The following TCF20 variants were observed in gnomAD, a reference collection of about 807,000 sequenced individuals.
The protein encoded by TCF20 is transcription factor 20, also known as SPRE-binding protein.
In TCF20, 3 loss-of-function variants were observed where a neutral mutation model predicts 148.6. That is an observed-to-expected ratio of 0.02 (90% CI 0.01 to 0.05). TCF20 has a LOEUF of 0.05. Among genes scored for constraint, TCF20 ranks in the 10% least tolerant of loss-of-function variants. TCF20 has a pLI of 1.00. For synonymous variants in TCF20, 1,049 were observed against 909.5 expected (o/e 1.15, Z -2.76); for missense variants, 2,350 against 2,429.3 (o/e 0.97, Z 0.69).
chr22:42,190,950 C>T (rs1937302050), intron 2 of TCF20, among the ~76,000 whole-genome samples: 1 of 152,182 alleles, frequency 6.6e-6, no homozygotes, highest in Admixed American at 6.5e-5. Flanking sequence ...TTTTAATGTT[C>T]TGTAACACTG....
At chr22:42,262,624 A>G (rs543597758) in intron 1 of TCF20, among the ~76,000 whole-genome samples, 1 of 152,214 alleles carries the variant, frequency 6.6e-6, no homozygotes, top group East Asian at 1.9e-4. Context: ...TGGGGAGATC[A>G]GAGATCACCG....
intron 1 of TCF20, among the ~76,000 whole-genome samples, chr22:42,326,208 C>A (rs562780028): frequency 1.3e-5 from 2 of 152,244 alleles, no homozygotes; most frequent in African/African-American, 4.8e-5. Context: ...TGGAACCAAG[C>A]GGGACCACCC....
chr22:42,301,447 C>G (rs1306896696), intron 1 of TCF20, among the ~76,000 whole-genome samples: 3 of 152,190 alleles, frequency 2.0e-5, no homozygotes, highest in African/African-American at 7.2e-5. Flanking sequence ...AGGCACGTGG[C>G]CTGGTCCCTC....
intron 1 of TCF20, among the ~76,000 whole-genome samples, chr22:42,268,244 C>T (rs1351623037): frequency 4.6e-5 from 7 of 152,198 alleles, no homozygotes; most frequent in Non-Finnish European, 8.8e-5. Flanking sequence ...ATATTGGGCT[C>T]ATATCCGGCC....
chr22:42,208,982 C>T (rs766366467), intron 2 of TCF20, among the ~76,000 whole-genome samples: 4 of 152,190 alleles, frequency 2.6e-5, no homozygotes, highest in Non-Finnish European at 4.4e-5. Context: ...AAAAACAGAA[C>T]ATGCATCAAG....
At chr22:42,221,629 C>G (rs780451230) in intron 1 of TCF20, among the ~76,000 whole-genome samples, 1 of 151,946 alleles carries the variant, frequency 6.6e-6, no homozygotes, top group Non-Finnish European at 1.5e-5. Flanking sequence ...GTAAGAAATG[C>G]CCAAAGTCCA....
intron 1 of TCF20, among the ~76,000 whole-genome samples, chr22:42,320,357 AC>A (rs1927709581): frequency 6.6e-6 from 1 of 152,116 alleles, no homozygotes; most frequent in Non-Finnish European, 1.5e-5. Flanking sequence ...CTTAGGCACC[AC>A]CAGTGAAATG....
chr22:42,225,620 C>CAAAAAAAAAAAAAAAA (rs57952215), intron 1 of TCF20, among the ~76,000 whole-genome samples: 1 of 74,808 alleles, frequency 1.3e-5, no homozygotes. Flanking sequence ...GACTCCGTCT[C>CAAAAAAAAAAAAAAAA]AAAAAAAAAA....
chr22:42,240,039 GTAA>G (rs1924257177), intron 1 of TCF20, among the ~76,000 whole-genome samples: 2 of 152,120 alleles, frequency 1.3e-5, no homozygotes, highest in African/African-American at 4.8e-5. Flanking sequence ...CTTCTAGGTG[GTAA>G]TAATAATAGC....
chr22:42,288,594 C>T (rs139127520), upstream of TCF20, among the ~76,000 whole-genome samples: 281 of 148,652 alleles, frequency 1.9e-3, 1 homozygote, highest in African/African-American at 6.5e-3. Context: ...GTCCCAGCTA[C>T]TCGTGAGATT....
In TCF20 at chr22:42,209,679, T is replaced by G. The variant is rs1395831478; in HGVS notation, c.5627A>C (p.Gln1876Pro). 2 of 1,612,940 alleles carry G rather than the reference T, an allele frequency of 1.2e-6. No homozygotes were observed. The highest frequency in any genetic ancestry group is 1.1e-5 in the South Asian group (1 of 90,858). ...YLVCGRLYGL[Q>P]EALEIAREMK... ...CTCTCTGGCTATTTCCAGCGCTTCC[T>G]GCAGGCCATAGAGCCTGCCACAAAC... The change falls in exon 2 of 6, where the codon CAG becomes CCG. Residue 1876 changes from glutamine (Q) to proline (P), a missense_variant. Physicochemically the swap from Gln to Pro is moderately conservative, Grantham distance 76 (BLOSUM62 -1). This residue lies in a region of TCF20 where 30 missense variants were observed against 59.5 expected (regional missense o/e 0.50). Transcript: ENST00000677622.
intron 1 of TCF20, among the ~76,000 whole-genome samples, chr22:42,235,157 A>C (rs911075437): frequency 6.6e-6 from 1 of 151,710 alleles, no homozygotes; most frequent in African/African-American, 2.4e-5. Context: ...AAAAAAAAAA[A>C]AGAACTTTGT....
intron 1 of TCF20, among the ~76,000 whole-genome samples, chr22:42,216,989 T>G (rs916979065): frequency 6.6e-6 from 1 of 152,216 alleles, no homozygotes; most frequent in Non-Finnish European, 1.5e-5. Context: ...TGAGGTGTAA[T>G]AGACAGTTTA....
Position 42,290,537 on chromosome 22 carries a change from GC to G in TCF20, c.-37+52941del, listed in dbSNP as rs1438643867. Among the ~76,000 whole-genome samples the G allele has an allele frequency of 6.6e-6, 1 of 152,216 alleles. No individual in the cohort carries two copies. The highest frequency in any genetic ancestry group is 2.4e-5 in the African/African-American group (1 of 41,446). ...TGCTCCTGACCTTTGCTTAGCACAG[GC>G]AGGGGACCCTCTCCCCACAGTGTGG... On this transcript the variant is annotated intron_variant, in intron 1 of 1. Transcript: ENST00000515426. This position sits in a 1 kb window ranked among gnomAD's most constrained non-coding sequence, Gnocchi z 4.2.
At chr22:42,284,948 G>A (rs1926998989), upstream of TCF20, among the ~76,000 whole-genome samples, 1 of 152,242 alleles carries the variant, frequency 6.6e-6, no homozygotes, top group Non-Finnish European at 1.5e-5. Context: ...CTGGACTCTG[G>A]GCCGTGGCCA....
At chr22:42,177,514 TAGAGTA>T in intron 3 of TCF20, among the ~76,000 whole-genome samples, 1 of 152,236 alleles carries the variant, frequency 6.6e-6, no homozygotes. Context: ...ACTAAAAGTC[TAGAGTA>T]AGAAAGGTGA....
intron 1 of TCF20, among the ~76,000 whole-genome samples, chr22:42,245,555 T>A (rs1924837429): frequency 6.6e-6 from 1 of 152,192 alleles, no homozygotes; most frequent in Non-Finnish European, 1.5e-5. Context: ...TTCACCATCA[T>A]CTTCCTAAAA....
chr22:42,218,289 C>T (rs1236352649), intron 1 of TCF20, among the ~76,000 whole-genome samples: 1 of 152,162 alleles, frequency 6.6e-6, no homozygotes, highest in Non-Finnish European at 1.5e-5. Flanking sequence ...TACCAGTTGT[C>T]CTGTCAGTTT....
At position 42,338,903 on chromosome 22, in the gene TCF20, A is replaced by G. The variant is rs1214476782; in HGVS notation, c.-37+4576T>C. ...AAGCCATAATCACGGAGATCTAAGGATGGGGGTGAGCAGGGTGTCTGGTCC... is the reference window on the plus strand; with the variant it reads ...AAGCCATAATCACGGAGATCTAAGGGTGGGGGTGAGCAGGGTGTCTGGTCC... On this transcript the variant is annotated intron_variant, in intron 1 of 1. Coordinates refer to the TCF20 transcript ENST00000515426. The surrounding 1 kb of genome is among the most constrained non-coding windows in gnomAD (Gnocchi z 4.0). Among the ~76,000 whole-genome samples the G allele has an allele frequency of 2.0e-5, 3 of 152,164 alleles. No individual in the cohort carries two copies. Among genetic ancestry groups the G allele is most frequent in the Non-Finnish European group, 4.4e-5 (3 of 68,026 alleles).
Sources: allele counts gnomAD v4.1 joint callset (sites outside exome capture counted in the v4.1 genomes callset), GRCh38; gene constraint gnomAD v4.1.1; regional missense constraint gnomAD v4.1.1; non-coding constraint Gnocchi (gnomAD v3.1); transcripts MANE v1.5; gene names NCBI Gene and HGNC (gene_info 2026-07-23, HGNC 2026-07-21).